The following HMG20A variants were observed in gnomAD, a reference collection of about 807,000 sequenced individuals.
The protein encoded by HMG20A is high mobility group protein 20A.
HMG20A carries 17 observed loss-of-function variants against 43.9 expected under a neutral mutation model. The ratio of observed to expected loss-of-function variants is 0.39; its 90% CI spans 0.27 to 0.58. HMG20A has a LOEUF of 0.58. HMG20A is among the 20% of genes least tolerant of loss of function. The pLI is 0.59. For missense variants in HMG20A, 341 were observed against 438.2 expected, an observed-to-expected ratio of 0.78 and a Z score of 1.98; for synonymous variants, 132 against 147.5, an observed-to-expected ratio of 0.89 and a Z score of 0.76.
chr15:77,452,907 A>G (rs1055960713), intron 1 of HMG20A, among the ~76,000 whole-genome samples: 12 of 152,212 alleles, frequency 7.9e-5, no homozygotes, highest in African/African-American at 2.9e-4. Flanking sequence ...TTGCAATAAC[A>G]ATACAGTTTT....
At chr15:77,422,400 G>A (rs997398508) in intron 1 of HMG20A, among the ~76,000 whole-genome samples, 5 of 152,118 alleles carry the variant, frequency 3.3e-5, no homozygotes, top group African/African-American at 9.7e-5. Flanking sequence ...GGCAGATCAC[G>A]AGGTCAGGAG....
At chr15:77,501,910 C>T in the HMG20A span, among the ~76,000 whole-genome samples, 2 of 152,142 alleles carry the variant, frequency 1.3e-5, no homozygotes, top group Admixed American at 1.3e-4. Context: ...ACACCAGATG[C>T]CTTAACCATG....
intron 1 of HMG20A, among the ~76,000 whole-genome samples, chr15:77,432,722 C>CAAAAAAAAAAAAAAAAAAA (rs34459644): frequency 1.3e-5 from 1 of 77,740 alleles, no homozygotes; most frequent in African/African-American, 6.1e-5. Context: ...AACTCCGACT[C>CAAAAAAAAAAAAAAAAAAA]AAAAAAAAAA....
downstream of HMG20A, among the ~76,000 whole-genome samples, chr15:77,489,519 T>C (rs149370129): frequency 2.6e-5 from 4 of 152,362 alleles, no homozygotes; most frequent in African/African-American, 7.2e-5. Flanking sequence ...TTGTTGAATA[T>C]CTTTCTTGCG....
At chr15:77,456,481 G>C (rs2142321545) in intron 1 of HMG20A, among the ~76,000 whole-genome samples, 1 of 152,164 alleles carries the variant, frequency 6.6e-6, no homozygotes, top group East Asian at 1.9e-4. Context: ...AGGAGTTCAA[G>C]ACCAACCTGG....
the HMG20A span, among the ~76,000 whole-genome samples, chr15:77,513,909 A>T: frequency 6.6e-6 from 1 of 152,122 alleles, no homozygotes. Flanking sequence ...TATTTTCAGT[A>T]GAGACGGCGT....
intron 9 of HMG20A, among the ~76,000 whole-genome samples, chr15:77,481,469 A>T (rs1456498886): frequency 2.0e-5 from 3 of 152,226 alleles, no homozygotes; most frequent in African/African-American, 7.2e-5. Flanking sequence ...TTGTGAAAGA[A>T]AACATTAATT....
rs1369372452 is a variant in HMG20A at position 77,477,644 on chromosome 15, T to A, written c.691+14T>A. 6.4e-7 allele frequency: 1 copy of A among 1,570,474 alleles called. No homozygotes were observed. Among genetic ancestry groups the A allele is most frequent in the East Asian group, 2.2e-5 (1 of 44,598 alleles). On this transcript the variant is annotated intron_variant, in intron 7 of 9. Coordinates refer to ENST00000336216, the MANE Select transcript of HMG20A (RefSeq NM_001304504.2). ...ACCATAGCAAAGGTGATTACTGAAG[T>A]TTCTTTTTGTGTTTCTCAGATTTTT...
intron 3 of HMG20A, among the ~76,000 whole-genome samples, chr15:77,465,701 G>A (rs1172137856): frequency 1.3e-5 from 2 of 152,002 alleles, no homozygotes; most frequent in Non-Finnish European, 2.9e-5. Context: ...GCCCACAGTA[G>A]CTTTAATGTA....
At chr15:77,454,167 A>AT (rs1316060209) in intron 1 of HMG20A, among the ~76,000 whole-genome samples, 1 of 151,354 alleles carries the variant, frequency 6.6e-6, no homozygotes, top group Non-Finnish European at 1.5e-5. Flanking sequence ...GTCTCTTAAA[A>AT]AAAAAAAAAA....
chr15:77,432,834 GA>G lies in HMG20A; in HGVS notation c.-5+11840del, dbSNP rs199664935. Among the ~76,000 whole-genome samples, 282 of 138,126 alleles carry G rather than the reference GA, an allele frequency of 2.0e-3. 5 individuals carry two copies. The East Asian group carries it at 0.048, about 23-fold the overall frequency. The allele number at this position is 138,126 out of a possible 152,430, so 90.6% of individuals were successfully genotyped here. On this transcript the variant is annotated intron_variant, in intron 1 of 9. Coordinates refer to ENST00000336216, the MANE Select transcript of HMG20A (RefSeq NM_001304504.2). ...ATAGACCTCTAGCAATATTGATAAA[GA>G]AAAAAAAAAGAGCATAAATTACCAG...
chr15:77,434,704 A>C (rs762917604), intron 1 of HMG20A, among the ~76,000 whole-genome samples: 25 of 152,308 alleles, frequency 1.6e-4, no homozygotes, highest in African/African-American at 4.8e-4. Context: ...CTCTCACTAC[A>C]TCCCCACTGA....
intron 1 of HMG20A, among the ~76,000 whole-genome samples, chr15:77,425,295 T>C (rs962717964): frequency 1.3e-5 from 2 of 152,222 alleles, no homozygotes; most frequent in Non-Finnish European, 2.9e-5. Flanking sequence ...TATTCCACTC[T>C]GTGCTGTCAT....
the HMG20A span, among the ~76,000 whole-genome samples, chr15:77,506,307 G>A: frequency 0.011 from 1,616 of 152,128 alleles, 16 homozygotes; most frequent in Middle Eastern, 0.017. Flanking sequence ...ACGGGGCCTC[G>A]CATTAGGATC....
the HMG20A span, among the ~76,000 whole-genome samples, chr15:77,493,251 CT>C: frequency 1.3e-5 from 2 of 152,014 alleles, no homozygotes; most frequent in East Asian, 3.9e-4. Context: ...GAGTGGGCAA[CT>C]TTTTTCGATG....
At chr15:77,505,389 T>C in the HMG20A span, among the ~76,000 whole-genome samples, 16 of 152,318 alleles carry the variant, frequency 1.1e-4, no homozygotes, top group African/African-American at 3.6e-4. Flanking sequence ...GGACTCAGGA[T>C]GGCCCAGTCA....
the HMG20A span, among the ~76,000 whole-genome samples, chr15:77,517,020 C>T: frequency 1.3e-5 from 2 of 152,218 alleles, no homozygotes; most frequent in African/African-American, 2.4e-5. Context: ...GTCCAGACCC[C>T]TGCTCGAGCC....
At chr15:77,428,785 T>C (rs2073452650) in intron 1 of HMG20A, among the ~76,000 whole-genome samples, 1 of 151,998 alleles carries the variant, frequency 6.6e-6, no homozygotes, top group African/African-American at 2.4e-5. Flanking sequence ...GGTAACATAG[T>C]GAGATGCTGT....
chr15:77,444,516 T>C (rs1282430503), intron 1 of HMG20A, among the ~76,000 whole-genome samples: 2 of 152,220 alleles, frequency 1.3e-5, no homozygotes, highest in Non-Finnish European at 2.9e-5. Context: ...TTTTCTTTGT[T>C]ATTTCACCTT....
Sources: allele counts gnomAD v4.1 joint callset (sites outside exome capture counted in the v4.1 genomes callset), GRCh38; gene constraint gnomAD v4.1.1; transcripts MANE v1.5; gene names NCBI Gene and HGNC (gene_info 2026-07-23, HGNC 2026-07-21).